Variants in TULP4 observed in about 807,000 individuals in gnomAD.
The protein encoded by TULP4 is TUB like protein 4.
In TULP4, 16 loss-of-function variants were observed where a neutral mutation model predicts 129.0. The ratio of observed to expected loss-of-function variants is 0.12; its 90% CI spans 0.08 to 0.19. The LOEUF is 0.19. Among genes scored for constraint, TULP4 ranks in the 10% least tolerant of loss-of-function variants. The pLI, the probability that TULP4 is intolerant of heterozygous loss-of-function variation, is 1.00. For missense variants in TULP4, 1,842 were observed against 2,059.1 expected (o/e 0.89, Z 2.04); for synonymous variants, 998 against 854.0 (o/e 1.17, Z -2.94).
intron 1 of TULP4, chr6:158,242,193 T>C (rs1371862682): frequency 7.4e-7 from 1 of 1,347,520 alleles, no homozygotes; most frequent in Non-Finnish European, 1.1e-6. Flanking sequence ...CAGTGTCTTC[T>C]GATAATGAAT....
chr6:158,429,705 A>C (rs1288637096), intron 2 of TULP4, 31 bp from the exon 3 acceptor site: 1 of 1,593,538 alleles, frequency 6.3e-7, no homozygotes, highest in East Asian at 2.3e-5. Context: ...TTCAGATTAC[A>C]AATTGACTCT....
intron 1 of TULP4, among the ~76,000 whole-genome samples, chr6:158,254,334 G>T (rs1187078103): frequency 9.9e-5 from 15 of 152,096 alleles, no homozygotes; most frequent in Non-Finnish European, 2.1e-4. Flanking sequence ...GTAGAGATGG[G>T]GTTTTGCCAT....
chr6:158,479,974 A>G lies in TULP4; in HGVS notation c.1250A>G (p.Lys417Arg), dbSNP rs778454563. The G allele has an allele frequency of 6.2e-7, 1 of 1,600,014 alleles. No homozygotes were observed. ...YLSTAFIPTI[K>R]PPIPDPNNMR... ...TCCACTGCCTTCATCCCCACCATCA[A>G]GGTAAAGCCCTCCACCCCTCCCTCT... Residue 417 changes from lysine (K) to arginine (R), a missense_variant and splice_region_variant, in exon 7 of 14, where the codon AAG becomes AGG. By Grantham distance (26) the Lys-to-Arg change is conservative (BLOSUM62 2). This residue lies in a region of TULP4 where 456 missense variants were observed against 534.3 expected (regional missense o/e 0.85). Transcript: ENST00000367097.
At chr6:158,269,741 T>G (rs956586934) in intron 1 of TULP4, among the ~76,000 whole-genome samples, 1 of 152,252 alleles carries the variant, frequency 6.6e-6, no homozygotes, top group Admixed American at 6.5e-5. Context: ...TTTAGCACTT[T>G]ACTATGTGGG....
At chr6:158,366,865 G>A (rs1776921006) in intron 1 of TULP4, among the ~76,000 whole-genome samples, 1 of 152,144 alleles carries the variant, frequency 6.6e-6, no homozygotes, top group African/African-American at 2.4e-5. Flanking sequence ...AAAATTCTAA[G>A]TTGCCGTATA....
chr6:158,504,373 G>T (rs1027014264), intron 13 of TULP4, among the ~76,000 whole-genome samples, 195 bp downstream of exon 13: 1 of 151,036 alleles, frequency 6.6e-6, no homozygotes, highest in African/African-American at 2.4e-5. Flanking sequence ...TTTTGAGACC[G>T]TCTCGCTCTG....
intron 1 of TULP4, among the ~76,000 whole-genome samples, chr6:158,321,735 T>G (rs1039963161): frequency 1.3e-5 from 2 of 152,198 alleles, no homozygotes; most frequent in African/African-American, 4.8e-5. Flanking sequence ...CCACCATGCC[T>G]AGCATAAACC....
At chr6:158,335,799 T>G (rs1458678041) in intron 1 of TULP4, among the ~76,000 whole-genome samples, 1 of 152,244 alleles carries the variant, frequency 6.6e-6, no homozygotes, top group African/African-American at 2.4e-5. Context: ...TGCCATTATG[T>G]ATACACATAT....
At chr6:158,303,711 A>G (rs9456282) in intron 1 of TULP4, among the ~76,000 whole-genome samples, 25,591 of 152,192 alleles carry the variant, frequency 0.17, 2,554 homozygotes, top group Middle Eastern at 0.24. Flanking sequence ...CTCACAGACA[A>G]TGTGTTGTGG....
chr6:158,291,743 A>G (rs78770904), intron 1 of TULP4, among the ~76,000 whole-genome samples: 20 of 152,178 alleles, frequency 1.3e-4, no homozygotes, highest in Admixed American at 7.2e-4. Context: ...TCTGTGCTAT[A>G]AAAAAATTGG....
At chr6:158,412,055 T>C (rs1778111376) in intron 1 of TULP4, among the ~76,000 whole-genome samples, 1 of 152,204 alleles carries the variant, frequency 6.6e-6, no homozygotes, top group Admixed American at 6.5e-5. Flanking sequence ...ATAGCTCTTA[T>C]TTTATTGATA....
At position 158,466,762 on chromosome 6, in the gene TULP4, A is replaced by G. The variant is rs997600670; in HGVS notation, c.1026+5033A>G. Reference sequence around the variant, plus strand: ...CCTAGGAGCTCACAGCTAGTTAAGGAAGACAGACAAGTGATGACACAGAAA... The same window carrying G: ...CCTAGGAGCTCACAGCTAGTTAAGGGAGACAGACAAGTGATGACACAGAAA... On this transcript the variant is annotated intron_variant, in intron 6 of 13. Transcript: ENST00000367097. 3.3e-5 allele frequency among the ~76,000 whole-genome samples: 5 copies of G among 152,318 alleles called. No individual in the cohort carries two copies. In the East Asian group the frequency reaches 9.6e-4, roughly 29 times the overall value.
chr6:158,297,884 A>T (rs1228285042), intron 1 of TULP4, among the ~76,000 whole-genome samples: 2 of 151,842 alleles, frequency 1.3e-5, no homozygotes, highest in African/African-American at 2.4e-5. Context: ...GTTTTTTCCC[A>T]CTCTAGTAAG....
rs187086360 is a variant in TULP4, at chr6:158,330,476, G to A, written c.252+16208G>A. 3.7e-3 allele frequency among the ~76,000 whole-genome samples: 564 copies of A among 152,274 alleles called. 1 individual carries two copies. Among genetic ancestry groups the A allele is most frequent in the Middle Eastern group, 6.8e-3 (2 of 294 alleles). On this transcript the variant is annotated intron_variant, in intron 1 of 13. Coordinates refer to ENST00000367097, the MANE Select transcript of TULP4 (RefSeq NM_020245.5). ...CTGTCCTTTGCACTTCCATGTGCAC[G>A]CATACACTCTCTCTCTTTCTCTCTC...
At chr6:158,410,852 AC>A (rs1778082912) in intron 1 of TULP4, among the ~76,000 whole-genome samples, 1 of 152,306 alleles carries the variant, frequency 6.6e-6, no homozygotes, top group Admixed American at 6.5e-5. Flanking sequence ...CCTGCTCCCC[AC>A]ATGAGTTGAG....
chr6:158,243,850 GTGTGT>G (rs1777974198), intron 1 of TULP4, among the ~76,000 whole-genome samples: 3 of 42,528 alleles, frequency 7.1e-5, no homozygotes, highest in African/African-American at 1.6e-4. Context: ...TGAAATAGGT[GTGTGT>G]GTGTGTGTGT....
At chr6:158,273,663 G>A (rs981923354) in intron 1 of TULP4, among the ~76,000 whole-genome samples, 14 of 152,176 alleles carry the variant, frequency 9.2e-5, no homozygotes, top group Admixed American at 2.6e-4. Context: ...ATTCATAACT[G>A]TAATAGCTGA....
At chr6:158,338,384 G>A (rs1022375320) in intron 1 of TULP4, among the ~76,000 whole-genome samples, 1 of 152,180 alleles carries the variant, frequency 6.6e-6, no homozygotes, top group African/African-American at 2.4e-5. Context: ...AATGATAGGT[G>A]TAAAGGACAC....
rs1415991542 is a variant in TULP4 at position 158,461,428 on chromosome 6, GAA to G, written c.860-130_860-129del. 12 of 597,960 alleles carry G rather than the reference GAA, an allele frequency of 2.0e-5. No individual in the cohort carries two copies. In the African/African-American group the frequency reaches 4.0e-4, roughly 20 times the overall value. 37.0% of individuals were successfully genotyped at this position (597,960 alleles called of 1,614,324 possible). On this transcript the variant is annotated intron_variant, in intron 5 of 13. Transcript: ENST00000367097. Reference sequence around the variant, plus strand: ...CTCCGTCTCAAAAAAAAAAAAAAAGGAAAAAACCATGAATATATTTTTGTTGT... The same window carrying G: ...CTCCGTCTCAAAAAAAAAAAAAAAGGAAAACCATGAATATATTTTTGTTGT...
Sources: gnomAD v4.1 joint callset for allele counts (sites outside exome capture counted in the v4.1 genomes callset) on GRCh38, gnomAD v4.1.1 for gene constraint, gnomAD v4.1.1 regional missense constraint, MANE v1.5 for transcripts, NCBI Gene and HGNC (gene_info 2026-07-23, HGNC 2026-07-21) for gene names.